The following CSNK2A2IP variants were observed in gnomAD, a reference collection of about 807,000 sequenced individuals.
CSNK2A2IP encodes the protein casein kinase 2 subunit alpha' interacting protein, also known as casein kinase II subunit alpha'-interacting protein.
chr3:88,422,479 A>G, the CSNK2A2IP span, among the ~76,000 whole-genome samples: 5 of 152,228 alleles, frequency 3.3e-5, no homozygotes, highest in Non-Finnish European at 7.3e-5. Context: ...GAAAAATTTT[A>G]GAATTTGAGT....
chr3:88,449,909 C>T, the CSNK2A2IP span, among the ~76,000 whole-genome samples: 1 of 92,860 alleles, frequency 1.1e-5, no homozygotes, highest in Non-Finnish European at 2.6e-5. Flanking sequence ...GCTCTGTTGC[C>T]CAGGCTGGAG....
the CSNK2A2IP span, among the ~76,000 whole-genome samples, chr3:88,364,673 C>T: frequency 6.6e-6 from 1 of 151,994 alleles, no homozygotes; most frequent in Admixed American, 6.6e-5. Context: ...AGAACAGTTG[C>T]TATTTTAAGG....
At chr3:88,378,695 T>C in the CSNK2A2IP span, among the ~76,000 whole-genome samples, 1 of 152,168 alleles carries the variant, frequency 6.6e-6, no homozygotes, top group South Asian at 2.1e-4. Flanking sequence ...AAATTTATAT[T>C]ATGGTAGCAT....
At chr3:88,383,662 T>TC in the CSNK2A2IP span, among the ~76,000 whole-genome samples, 2 of 119,776 alleles carry the variant, frequency 1.7e-5, no homozygotes, top group Non-Finnish European at 4.0e-5. Context: ...TTTTTTTTTT[T>TC]TTTTTTTTTT....
the CSNK2A2IP span, among the ~76,000 whole-genome samples, chr3:88,413,705 G>A: frequency 6.6e-6 from 1 of 151,850 alleles, no homozygotes; most frequent in Non-Finnish European, 1.5e-5. Flanking sequence ...TTTCTGTACT[G>A]CCCTTTCAGA....
chr3:88,373,806 A>G, the CSNK2A2IP span, among the ~76,000 whole-genome samples: 1 of 151,578 alleles, frequency 6.6e-6, no homozygotes, highest in Admixed American at 6.6e-5. Context: ...AAGATGAGCT[A>G]TCAGAATAAA....
At chr3:88,347,197 T>C in the CSNK2A2IP span, among the ~76,000 whole-genome samples, 61 of 152,104 alleles carry the variant, frequency 4.0e-4, no homozygotes, top group Non-Finnish European at 6.8e-4. Flanking sequence ...AGTGGTTTCT[T>C]GTCTACTCCT....
the CSNK2A2IP span, chr3:88,399,549 A>C: frequency 6.6e-6 from 1 of 152,218 alleles, no homozygotes; most frequent in Admixed American, 6.5e-5. Context: ...TTAAGTGCTT[A>C]CTATATGCTG....
the CSNK2A2IP span, chr3:88,465,915 C>T: frequency 1.6e-6 from 2 of 1,231,604 alleles, no homozygotes; most frequent in Non-Finnish European, 2.0e-6. Flanking sequence ...CATTATTTCG[C>T]CTCCAAAATC....
the CSNK2A2IP span, among the ~76,000 whole-genome samples, chr3:88,383,726 C>T: frequency 1.5e-5 from 2 of 137,712 alleles, no homozygotes; most frequent in Non-Finnish European, 3.1e-5. Context: ...CGCAGTGGCG[C>T]GATCTCAGCT....
At chr3:88,360,235 G>A in the CSNK2A2IP span, among the ~76,000 whole-genome samples, 25 of 151,200 alleles carry the variant, frequency 1.7e-4, no homozygotes, top group East Asian at 7.8e-4. Context: ...CCAGGTTCAC[G>A]CCATTCTCCT....
chr3:88,400,577 T>C, the CSNK2A2IP span, among the ~76,000 whole-genome samples: 3 of 152,194 alleles, frequency 2.0e-5, no homozygotes, highest in Non-Finnish European at 4.4e-5. Flanking sequence ...TTGGAGATCA[T>C]TTTCTAGTGT....
the CSNK2A2IP span, among the ~76,000 whole-genome samples, chr3:88,382,046 C>T: frequency 0.019 from 2,856 of 152,246 alleles, 83 homozygotes; most frequent in African/African-American, 0.063. Context: ...TTACTGTAGG[C>T]GTATTCTTTG....
At chr3:88,435,510 G>T in the CSNK2A2IP span, among the ~76,000 whole-genome samples, 1 of 152,250 alleles carries the variant, frequency 6.6e-6, no homozygotes, top group Admixed American at 6.5e-5. Context: ...ACCAAACTGA[G>T]GTTGAAGCCA....
the CSNK2A2IP span, among the ~76,000 whole-genome samples, chr3:88,429,902 G>A: frequency 4.7e-3 from 689 of 147,032 alleles, 2 homozygotes; most frequent in Non-Finnish European, 7.1e-3. Context: ...ACAGGCGCCC[G>A]CCACCACGCC....
chr3:88,357,212 TG>T, the CSNK2A2IP span, among the ~76,000 whole-genome samples: 1 of 152,186 alleles, frequency 6.6e-6, no homozygotes, highest in Non-Finnish European at 1.5e-5. Context: ...GTTTCTCCAA[TG>T]TTTTCTTCTA....
At chr3:88,359,098 T>C in the CSNK2A2IP span, among the ~76,000 whole-genome samples, 1 of 151,846 alleles carries the variant, frequency 6.6e-6, no homozygotes, top group Non-Finnish European at 1.5e-5. Context: ...TTACTTGTTA[T>C]TAGTCTTTTC....
chr3:88,406,286 G>A, the CSNK2A2IP span, among the ~76,000 whole-genome samples: 2 of 152,070 alleles, frequency 1.3e-5, no homozygotes, highest in Admixed American at 1.3e-4. Context: ...AAAGTTAAGG[G>A]CAGGTAGTTA....
chr3:88,462,898 AG>A, the CSNK2A2IP span, among the ~76,000 whole-genome samples: 6 of 152,258 alleles, frequency 3.9e-5, no homozygotes, highest in Admixed American at 1.3e-4. Flanking sequence ...AAAAAAATTA[AG>A]AAGTTAATGA....
Sources: gnomAD v4.1 joint callset for allele counts (sites outside exome capture counted in the v4.1 genomes callset) on GRCh38, gnomAD v4.1.1 for gene constraint, MANE v1.5 for transcripts, NCBI Gene and HGNC (gene_info 2026-07-23, HGNC 2026-07-21) for gene names.